CRNKL1: variants seen among roughly 807,000 people sequenced by gnomAD.
The protein encoded by CRNKL1 is crooked neck-like protein 1.
In CRNKL1, 35 loss-of-function variants were observed where a neutral mutation model predicts 103.7. The observed-to-expected ratio is 0.34, with a 90% CI of 0.26 to 0.45. The LOEUF is 0.45. Among genes scored for constraint, CRNKL1 ranks in the 20% least tolerant of loss-of-function variants. The probability of loss-of-function intolerance (pLI) is 1.00; values close to 1 mark genes in which losing one functional copy is unlikely to be tolerated. For synonymous variants in CRNKL1, 267 were observed against 282.6 expected (o/e 0.94, Z 0.55); for missense variants, 645 against 836.0 (o/e 0.77, Z 2.82).
intron 3 of CRNKL1, 148 bp downstream of exon 3, chr20:20,049,192 G>A (rs2043643698): frequency 3.6e-6 from 2 of 558,906 alleles, no homozygotes; most frequent in Non-Finnish European, 6.3e-6. Flanking sequence ...GGCCCTCAAG[G>A]GAACCCTAGG....
chr20:20,047,724 A>G, intron 5 of CRNKL1, 41 bp downstream of exon 5: 1 of 1,589,212 alleles, frequency 6.3e-7, no homozygotes, highest in Non-Finnish European at 8.6e-7. Flanking sequence ...AGCAGCATCC[A>G]GGACAATCAT....
At chr20:20,043,156 G>A (rs2043542046) in intron 7 of CRNKL1, among the ~76,000 whole-genome samples, 1 of 152,156 alleles carries the variant, frequency 6.6e-6, no homozygotes, top group Non-Finnish European at 1.5e-5. Context: ...TGCAAAACAG[G>A]TTTTTGGACC....
At position 20,034,825 on chromosome 20, in the gene CRNKL1, T is replaced by TAACA. The variant is rs934682560; in HGVS notation, c.*1366_*1369dup. Reference sequence around the variant, plus strand: ...TATTTATTTTCAAGATAAAATTTAGTAACAACATTACGAAGTAGCTTTTAT... The same window carrying TAACA: ...TATTTATTTTCAAGATAAAATTTAGTAACAAACAACATTACGAAGTAGCTTTTAT... On this transcript the variant is annotated 3_prime_UTR_variant, in exon 14 of 14. Coordinates refer to ENST00000536226, the MANE Select transcript of CRNKL1 (RefSeq NM_001278628.2). 5.9e-5 allele frequency: 9 copies of TAACA among 152,250 alleles called. No individual in the cohort carries two copies. The highest frequency in any genetic ancestry group is 1.2e-4 in the Non-Finnish European group (8 of 68,038). The allele number at this position is 152,250 out of a possible 1,614,324, so 9.4% of individuals were successfully genotyped here. A position where few individuals can be genotyped will look rare whatever the true frequency, so the allele number is the denominator to read the frequency against.
intron 5 of CRNKL1, among the ~76,000 whole-genome samples, chr20:20,045,880 A>G (rs2043585907): frequency 6.6e-6 from 1 of 152,232 alleles, no homozygotes. Flanking sequence ...TTTAAATGAG[A>G]AAATGTATGT....
At position 20,034,916 on chromosome 20, in the gene CRNKL1, A is replaced by G. The variant is rs901062871; in HGVS notation, c.*1279T>C. Reference sequence around the variant, plus strand: ...TGCTTACTAAAGGTCCTTTTAGGGGAAAACAACCTTAAAAATACAGTTCTA... The same window carrying G: ...TGCTTACTAAAGGTCCTTTTAGGGGGAAACAACCTTAAAAATACAGTTCTA... On this transcript the variant is annotated 3_prime_UTR_variant, in exon 14 of 14. Transcript: ENST00000536226. The G allele has an allele frequency of 6.6e-6, 1 of 152,250 alleles. No individual in the cohort carries two copies. The highest frequency in any genetic ancestry group is 2.1e-4 in the South Asian group (1 of 4,832). 9.4% of individuals were successfully genotyped at this position (152,250 alleles called of 1,614,324 possible). A position where few individuals can be genotyped will look rare whatever the true frequency, so the allele number is the denominator to read the frequency against.
intron 12 of CRNKL1, among the ~76,000 whole-genome samples, 167 bp downstream of exon 12, chr20:20,038,182 C>G (rs1399973311): frequency 6.7e-6 from 1 of 150,242 alleles, no homozygotes; most frequent in Non-Finnish European, 1.5e-5. Flanking sequence ...CTTAACATTC[C>G]AAACATTCCA....
Position 20,040,781 on chromosome 20 carries a change from C to T in CRNKL1, c.1225-15G>A. ...GCAAATGTGAACTAGAAAACAAAAG[C>T]ACAAAAATATCTAGCTTAAAAGCCT... is the stretch of plus-strand genomic sequence containing the variant. On this transcript the variant is annotated splice_polypyrimidine_tract_variant and intron_variant, in intron 9 of 13. Transcript: ENST00000536226. 1 of 1,567,434 alleles carries T rather than the reference C, an allele frequency of 6.4e-7. No homozygotes were observed. Among genetic ancestry groups the T allele is most frequent in the Non-Finnish European group, 8.7e-7 (1 of 1,145,556 alleles).
intron 12 of CRNKL1, among the ~76,000 whole-genome samples, chr20:20,037,876 CAA>C (rs1174265631): frequency 6.6e-6 from 1 of 152,116 alleles, no homozygotes; most frequent in African/African-American, 2.4e-5. Flanking sequence ...ATCACGAGGT[CAA>C]GAGATCGAGA....
intron 10 of CRNKL1, 124 bp downstream of exon 10, chr20:20,040,561 CA>C (rs2043497141): frequency 1.4e-6 from 1 of 721,254 alleles, no homozygotes; most frequent in South Asian, 1.7e-5. Flanking sequence ...TAACATGTCC[CA>C]GGCTATAAAG....
chr20:20,042,758 G>A (rs2146491780), intron 7 of CRNKL1, among the ~76,000 whole-genome samples: 1 of 152,302 alleles, frequency 6.6e-6, no homozygotes, highest in Admixed American at 6.5e-5. Context: ...TTCATCTATA[G>A]CCATCACTCT....
Position 20,050,473 on chromosome 20 carries a change from C to T in CRNKL1, c.201G>A (p.Arg67=), listed in dbSNP as rs781352173. The T allele has an allele frequency of 6.2e-7, 1 of 1,612,968 alleles. No homozygotes were observed. Among genetic ancestry groups the T allele is most frequent in the East Asian group, 2.2e-5 (1 of 44,852 alleles). ...EELNDYKLRK[R]KTFEDNIRKN... ...GAAAGATACCACACTGACTGACCTT[C>T]CTTTTCCTTAGTTTATAATCATTTA... The change falls in exon 2 of 14, where the codon AGG becomes AGA. Residue 67 remains arginine, a synonymous_variant. Transcript: ENST00000536226.
intron 2 of CRNKL1, among the ~76,000 whole-genome samples, chr20:20,049,702 T>C (rs2043654077): frequency 6.6e-6 from 1 of 152,240 alleles, no homozygotes; most frequent in Non-Finnish European, 1.5e-5. Flanking sequence ...ATTTCATATA[T>C]AACAGCATTA....
chr20:20,043,620 T>C lies in CRNKL1; in HGVS notation c.844A>G (p.Ile282Val), dbSNP rs754787042. ...AGTTCTTGGGCATCTTGTTTTGAAATTCTGTCCAGGGCATACTTGTAAATC... is the reference window on the plus strand; with the variant it reads ...AGTTCTTGGGCATCTTGTTTTGAAACTCTGTCCAGGGCATACTTGTAAATC... ...RVIYKYALDR[I>V]SKQDAQELFK... is the part of the protein sequence containing the mutation. The change falls in exon 7 of 14, where the codon ATT (isoleucine) becomes GTT (valine). Residue 282 changes from isoleucine to valine, a missense_variant. Physicochemically the swap from Ile to Val is conservative, Grantham distance 29 (BLOSUM62 3). Coordinates refer to ENST00000536226, the MANE Select transcript of CRNKL1 (RefSeq NM_001278628.2). 3 of 1,614,124 alleles carry C rather than the reference T, an allele frequency of 1.9e-6. No homozygotes were observed. In the South Asian group the frequency reaches 3.3e-5, roughly 18 times the overall value.
intron 11 of CRNKL1, among the ~76,000 whole-genome samples, chr20:20,038,845 T>A (rs901562582): frequency 6.6e-6 from 1 of 152,160 alleles, no homozygotes; most frequent in African/African-American, 2.4e-5. Context: ...ACATTCCTTG[T>A]TATTATGAGA....
chr20:20,043,707 A>C, intron 6 of CRNKL1, 45 bp from the exon 7 acceptor site: 1,550 of 1,554,586 alleles, frequency 1.0e-3, no homozygotes, highest in Non-Finnish European at 1.3e-3. Flanking sequence ...CAATATTCTC[A>C]TGCCAGTCAC....
intron 4 of CRNKL1, 38 bp downstream of exon 4, chr20:20,048,305 A>T: frequency 6.2e-7 from 1 of 1,604,592 alleles, no homozygotes. Flanking sequence ...GAACTTTGCT[A>T]GTCTATAAAA....
At chr20:20,050,759 C>T (rs1568766232) in intron 1 of CRNKL1, 137 bp from the exon 2 acceptor site, 6 of 667,440 alleles carry the variant, frequency 9.0e-6, no homozygotes, top group Non-Finnish European at 1.2e-5. Flanking sequence ...TGTTCCCATT[C>T]CTCCATGAGA....
chr20:20,038,920 A>G (rs1178403273), intron 11 of CRNKL1, among the ~76,000 whole-genome samples: 1 of 152,190 alleles, frequency 6.6e-6, no homozygotes, highest in African/African-American at 2.4e-5. Flanking sequence ...GCAGGGAATA[A>G]GGATGAATAA....
chr20:20,052,736 A>G (rs3817995), upstream of CRNKL1: 768,395 of 1,585,332 alleles, frequency 0.48, 188,193 homozygotes, highest in East Asian at 0.67. Context: ...CAAGGGAGTA[A>G]GAACGGAGCT....
Sources: gnomAD v4.1 joint callset for allele counts (sites outside exome capture counted in the v4.1 genomes callset) on GRCh38, gnomAD v4.1.1 for gene constraint, MANE v1.5 for transcripts, NCBI Gene and HGNC (gene_info 2026-07-23, HGNC 2026-07-21) for gene names.